The following KIF17 variants were observed in gnomAD, a reference collection of about 807,000 sequenced individuals.
KIF17 encodes the protein kinesin family member 17, also known as kinesin-like protein KIF17.
KIF17 carries 80 observed loss-of-function variants against 96.8 expected under a neutral mutation model. That is an observed-to-expected ratio of 0.83 (90% CI 0.69 to 1.00). The LOEUF (loss-of-function observed/expected upper bound fraction) is 1.00, where lower values mean the gene tolerates loss of function less well. KIF17 is among the 50% of genes least tolerant of loss of function. The pLI is 0.00. For synonymous variants in KIF17, 567 were observed against 587.5 expected, an observed-to-expected ratio of 0.97 and a Z score of 0.51; for missense variants, 1,280 against 1,372.9, an observed-to-expected ratio of 0.93 and a Z score of 1.07.
Position 20,690,233 on chromosome 1 carries a change from CA to C in KIF17, c.1335del (p.Tyr445Ter). ...TCCTCCAGCGTGGACAGCCTGACGT[CA>C]TATGAGTTGCGCATGGCAGTGATGT... is the stretch of plus-strand genomic sequence containing the variant. ...EEDITAMRNS[Y>X]DVRLSTLEEN... On this transcript the variant is annotated frameshift_variant, in exon 7 of 15. Coordinates refer to ENST00000400463, the MANE Select transcript of KIF17 (RefSeq NM_001122819.3). LOFTEE classifies it high-confidence loss of function. 6.3e-7 allele frequency: 1 copy of C among 1,599,034 alleles called. No homozygotes were observed. The highest frequency in any genetic ancestry group is 1.1e-5 in the South Asian group (1 of 90,916).
rs758451928 is a variant in KIF17 at position 20,664,752 on chromosome 1, G to C, written c.2919C>G (p.Asn973Lys). Reference sequence around the variant, plus strand: ...GTGGGCAGCTGAGGCCTGGTGGCGAGTTGTGATGTGCTGTGGGGAAGAGGG... The same window carrying C: ...GTGGGCAGCTGAGGCCTGGTGGCGACTTGTGATGTGCTGTGGGGAAGAGGG... Reference protein sequence around the residue: ...TDARKSLTHHNSPPGLSCPLS... With the variant: ...TDARKSLTHHKSPPGLSCPLS... Residue 973 changes from asparagine (N) to lysine (K), a missense_variant, in exon 15 of 15, where the codon AAC becomes AAG. Transcript: ENST00000400463. 1 of 1,612,032 alleles carries C rather than the reference G, an allele frequency of 6.2e-7. No individual in the cohort carries two copies. The highest frequency in any genetic ancestry group is 8.5e-7 in the Non-Finnish European group (1 of 1,179,764).
At chr1:20,686,198 CT>C (rs1171695328) in intron 8 of KIF17, 72 bp from the exon 9 acceptor site, 5 of 1,332,008 alleles carry the variant, frequency 3.8e-6, no homozygotes, top group East Asian at 2.5e-5. Flanking sequence ...TCCCTCACCC[CT>C]GGCCTCACTT....
At chr1:20,717,266 C>T in intron 1 of KIF17, 1 of 587,218 alleles carries the variant, frequency 1.7e-6, no homozygotes, top group Non-Finnish European at 3.0e-6. Context: ...GAGGCGGAGA[C>T]GCTGGGGATA....
At chr1:20,666,447 T>TCA (rs1438813228) in intron 13 of KIF17, 116 bp from the exon 14 acceptor site, 1 of 841,862 alleles carries the variant, frequency 1.2e-6, no homozygotes, top group Non-Finnish European at 2.1e-6. Context: ...CCCGAAGTTG[T>TCA]CACAGGGCTG....
intron 6 of KIF17, chr1:20,693,094 T>C (rs1388387529): frequency 6.6e-6 from 1 of 152,186 alleles, no homozygotes; most frequent in African/African-American, 2.4e-5. Flanking sequence ...TTTTTCTTCT[T>C]CTTGGAGCTG....
intron 12 of KIF17, among the ~76,000 whole-genome samples, chr1:20,671,105 G>A (rs1469317693): frequency 6.6e-6 from 1 of 152,164 alleles, no homozygotes; most frequent in Non-Finnish European, 1.5e-5. Context: ...TGAACTGTGG[G>A]TTTTGATCCA....
intron 6 of KIF17, 48 bp downstream of exon 6, chr1:20,698,331 C>A (rs757737338): frequency 1.5e-6 from 2 of 1,369,900 alleles, no homozygotes; most frequent in Non-Finnish European, 1.0e-6. Flanking sequence ...TCCCGCTGGG[C>A]CCCACCTGCC....
intron 11 of KIF17, among the ~76,000 whole-genome samples, chr1:20,675,971 T>A (rs1167171945): frequency 6.6e-6 from 1 of 151,940 alleles, no homozygotes; most frequent in Non-Finnish European, 1.5e-5. Flanking sequence ...ACCCAGGAGA[T>A]GGAGGTTGCA....
At position 20,682,854 on chromosome 1, in the gene KIF17, A is replaced by G. The variant is rs764147289; in HGVS notation, c.2262T>C (p.Gly754=). 6.2e-7 allele frequency: 1 copy of G among 1,611,558 alleles called. No individual in the cohort carries two copies. The highest frequency in any genetic ancestry group is 1.1e-5 in the South Asian group (1 of 91,078). The change falls in exon 11 of 15, where the codon GGT becomes GGC. Residue 754 remains glycine, a synonymous_variant. Transcript: ENST00000400463. ...RLQLLEQQVV[G]GEQAKNKDLK... is the part of the protein sequence containing the mutation. ...GGTCCTTGTTCTTGGCCTGCTCTCC[A>G]CCCACAACCTGCTGCTCCAACAGCT...
chr1:20,674,447 A>G (rs1287150844), intron 11 of KIF17, among the ~76,000 whole-genome samples: 1 of 151,928 alleles, frequency 6.6e-6, no homozygotes, highest in Non-Finnish European at 1.5e-5. Flanking sequence ...AATTTGTTGT[A>G]GAGGCAGGGT....
chr1:20,683,915 GC>G (rs972625485), intron 10 of KIF17, among the ~76,000 whole-genome samples: 3 of 151,616 alleles, frequency 2.0e-5, no homozygotes, highest in South Asian at 2.1e-4. Flanking sequence ...TTCTGTGAAG[GC>G]CCCCCAGCCT....
intron 2 of KIF17, among the ~76,000 whole-genome samples, chr1:20,713,835 C>A (rs964529438): frequency 6.6e-6 from 1 of 151,998 alleles, no homozygotes; most frequent in African/African-American, 2.4e-5. Context: ...GAAACAGAGG[C>A]CTCCTCGTTA....
intron 3 of KIF17, among the ~76,000 whole-genome samples, chr1:20,710,771 G>A (rs1167915078): frequency 2.0e-5 from 3 of 152,176 alleles, no homozygotes; most frequent in Non-Finnish European, 4.4e-5. Flanking sequence ...CTGCTGAAGC[G>A]TGGAGAAACA....
At chr1:20,701,678 C>A (rs1272652457) in intron 5 of KIF17, among the ~76,000 whole-genome samples, 1 of 152,036 alleles carries the variant, frequency 6.6e-6, no homozygotes, top group Non-Finnish European at 1.5e-5. Flanking sequence ...GGGCAGAGGG[C>A]ATGTAGGAAG....
chr1:20,687,955 GA>G lies in KIF17; in HGVS notation c.1382-12del. ...CCTGCAGGACAGCCTCTGCAAAATG[GA>G]GAACTTCCTTCAGGTTTTTAAAGGG... is the stretch of plus-strand genomic sequence containing the variant. On this transcript the variant is annotated splice_polypyrimidine_tract_variant and intron_variant, in intron 7 of 14. Transcript: ENST00000400463. This position sits in a 1 kb window ranked among gnomAD's most constrained non-coding sequence, Gnocchi z 4.4. 5 of 1,612,900 alleles carry G rather than the reference GA, an allele frequency of 3.1e-6. No individual in the cohort carries two copies. Among genetic ancestry groups the G allele is most frequent in the Non-Finnish European group, 4.2e-6 (5 of 1,179,426 alleles).
chr1:20,699,861 G>A lies in KIF17; in HGVS notation c.1124-1373C>T, dbSNP rs1399297309. On this transcript the variant is annotated intron_variant, in intron 5 of 14. Coordinates refer to ENST00000400463, the MANE Select transcript of KIF17 (RefSeq NM_001122819.3). The surrounding 1 kb of genome is among the most constrained non-coding windows in gnomAD (Gnocchi z 4.3). ...CAGATTGTGACAGCTGTGGAGGGCCGGGTGAGGGCTTTGGCTGTGACTCTG... is the reference window on the plus strand; with the variant it reads ...CAGATTGTGACAGCTGTGGAGGGCCAGGTGAGGGCTTTGGCTGTGACTCTG... Among the ~76,000 whole-genome samples, 23 of 152,170 alleles carry A rather than the reference G, an allele frequency of 1.5e-4. No homozygotes were observed. Among genetic ancestry groups the A allele is most frequent in the Admixed American group, 1.4e-3 (21 of 15,274 alleles).
At position 20,687,333 on chromosome 1, in the gene KIF17, TG is replaced by T; in HGVS notation, c.1938+54del. The T allele has an allele frequency of 6.3e-7, 1 of 1,596,338 alleles. No individual in the cohort carries two copies. The highest frequency in any genetic ancestry group is 1.1e-5 in the South Asian group (1 of 90,662). ...TGTGTGCACAGTGAGCTCCGGGCCCTGGGCAAGCTCTGCCTGCTCAGTGTTC... is the reference window on the plus strand; with the variant it reads ...TGTGTGCACAGTGAGCTCCGGGCCCTGGCAAGCTCTGCCTGCTCAGTGTTC... On this transcript the variant is annotated intron_variant, in intron 8 of 14. Transcript: ENST00000400463. The surrounding 1 kb of genome is among the most constrained non-coding windows in gnomAD (Gnocchi z 4.4).
chr1:20,708,436 G>A (rs1415696148), intron 4 of KIF17, among the ~76,000 whole-genome samples: 1 of 152,170 alleles, frequency 6.6e-6, no homozygotes, highest in Non-Finnish European at 1.5e-5. Context: ...TGGGACTACA[G>A]GCATGTACCA....
At chr1:20,681,202 G>C (rs2053824891) in intron 11 of KIF17, among the ~76,000 whole-genome samples, 1 of 150,168 alleles carries the variant, frequency 6.7e-6, no homozygotes, top group African/African-American at 2.4e-5. Context: ...GTTTTGTTTT[G>C]TTTTTGAGAC....
Sources: allele counts gnomAD v4.1 joint callset (sites outside exome capture counted in the v4.1 genomes callset), GRCh38; gene constraint gnomAD v4.1.1; non-coding constraint Gnocchi (gnomAD v3.1); transcripts MANE v1.5; gene names NCBI Gene and HGNC (gene_info 2026-07-23, HGNC 2026-07-21).